The following SLC22A25 variants were observed in gnomAD, a reference collection of about 807,000 sequenced individuals.
SLC22A25 encodes the protein solute carrier family 22 member 25.
In SLC22A25, 44 loss-of-function variants were observed where a neutral mutation model predicts 45.9. The observed-to-expected ratio is 0.96, with a 90% CI of 0.75 to 1.23. The LOEUF (loss-of-function observed/expected upper bound fraction) is 1.23. Among genes scored for constraint, SLC22A25 ranks in the 50% most tolerant of loss-of-function variants. The pLI, the probability that SLC22A25 is intolerant of heterozygous loss-of-function variation, is 0.00. For missense variants in SLC22A25, 800 were observed against 666.4 expected, an observed-to-expected ratio of 1.20 and a Z score of -2.21; for synonymous variants, 283 against 238.6, an observed-to-expected ratio of 1.19 and a Z score of -1.72.
intron 3 of SLC22A25, among the ~76,000 whole-genome samples, chr11:63,232,781 A>G (rs2090093847): frequency 6.6e-6 from 1 of 152,218 alleles, no homozygotes; most frequent in African/African-American, 2.4e-5. Flanking sequence ...TGTCATAAAT[A>G]GCTCTTATTA....
At chr11:63,180,340 G>C (rs192600824) in intron 9 of SLC22A25, among the ~76,000 whole-genome samples, 7 of 152,056 alleles carry the variant, frequency 4.6e-5, no homozygotes, top group Admixed American at 4.6e-4. Flanking sequence ...CATATGATTT[G>C]CTGTTTATAA....
intron 7 of SLC22A25, among the ~76,000 whole-genome samples, chr11:63,191,958 C>T (rs1590831677): frequency 7.1e-6 from 1 of 141,770 alleles, no homozygotes. Context: ...CATTCAAATT[C>T]AGGAAATGCA....
chr11:63,201,094 T>C (rs1369348239), intron 7 of SLC22A25, among the ~76,000 whole-genome samples: 1 of 152,146 alleles, frequency 6.6e-6, no homozygotes, highest in African/African-American at 2.4e-5. Flanking sequence ...AATTTATAGA[T>C]TCAATGCTAT....
At chr11:63,193,188 TAACTG>T (rs1044624915) in intron 7 of SLC22A25, among the ~76,000 whole-genome samples, 13 of 152,160 alleles carry the variant, frequency 8.5e-5, no homozygotes, top group Non-Finnish European at 1.6e-4. Flanking sequence ...TGTTCCAAGA[TAACTG>T]AATAGGAACA....
chr11:63,182,503 AT>A (rs2088367185), intron 8 of SLC22A25, among the ~76,000 whole-genome samples: 1 of 151,414 alleles, frequency 6.6e-6, no homozygotes, highest in African/African-American at 2.4e-5. Flanking sequence ...CTCTCTATAT[AT>A]TCTTTATATA....
At chr11:63,234,204 G>A (rs955901341) in intron 3 of SLC22A25, among the ~76,000 whole-genome samples, 6 of 152,136 alleles carry the variant, frequency 3.9e-5, no homozygotes, top group African/African-American at 1.4e-4. Context: ...TTAACTTTCT[G>A]TCTCATTGAT....
At chr11:63,232,582 G>T (rs2090089777) in intron 3 of SLC22A25, among the ~76,000 whole-genome samples, 1 of 152,150 alleles carries the variant, frequency 6.6e-6, no homozygotes, top group African/African-American at 2.4e-5. Context: ...TCTGCAAAGA[G>T]GGACAATTTG....
chr11:63,171,001 G>T (rs1489186716), intron 9 of SLC22A25, among the ~76,000 whole-genome samples: 1 of 152,098 alleles, frequency 6.6e-6, no homozygotes, highest in Non-Finnish European at 1.5e-5. Context: ...ATGCAAGGCT[G>T]GTCCAACATA....
At chr11:63,194,889 GCAAAAAAAAAAAAAAAAAAAAAAAAA>G (rs1191536948) in intron 7 of SLC22A25, among the ~76,000 whole-genome samples, 6 of 14,288 alleles carry the variant, frequency 4.2e-4, no homozygotes, top group Non-Finnish European at 8.5e-4. Context: ...CAAATGGAAA[GCAAAAAAAAAAAAAAAAAAAAAAAAA>G]AAAAAAAAAA....
chr11:63,177,252 T>G (rs116809971), intron 9 of SLC22A25, among the ~76,000 whole-genome samples: 1 of 152,054 alleles, frequency 6.6e-6, no homozygotes, highest in Admixed American at 6.6e-5. Flanking sequence ...TAATTATACA[T>G]ATTTATGAGG....
chr11:63,211,071 C>A (rs1481233477), intron 7 of SLC22A25, among the ~76,000 whole-genome samples: 1 of 152,110 alleles, frequency 6.6e-6, no homozygotes. Flanking sequence ...CAGACCTACA[C>A]AATATGTGGG....
chr11:63,170,962 A>G (rs2087859056), intron 9 of SLC22A25, among the ~76,000 whole-genome samples: 1 of 152,170 alleles, frequency 6.6e-6, no homozygotes, highest in Admixed American at 6.5e-5. Flanking sequence ...AAGCTTATCC[A>G]CCACGATTAA....
intron 7 of SLC22A25, among the ~76,000 whole-genome samples, chr11:63,200,975 G>A (rs1242959235): frequency 6.6e-6 from 1 of 152,030 alleles, no homozygotes; most frequent in Non-Finnish European, 1.5e-5. Context: ...TCTACAAGGA[G>A]AACTACAAAC....
rs7129756 is a variant in SLC22A25 at position 63,188,166 on chromosome 11, A to G, written c.831-4349T>C. ...TCTGGTAGAATTCGGCTGTGAATCC[A>G]TCTGGTCCTGGACTTTTTTTGGTTG... is the stretch of plus-strand genomic sequence containing the variant. On this transcript the variant is annotated intron_variant, in intron 7 of 11. Coordinates refer to ENST00000306494, the MANE Select transcript of SLC22A25 (RefSeq NM_199352.6). 7.2e-3 allele frequency among the ~76,000 whole-genome samples: 1,097 copies of G among 152,256 alleles called. 9 individuals are homozygous for G. The highest frequency in any genetic ancestry group is 0.024 in the African/African-American group (1,008 of 41,546).
Position 63,195,120 on chromosome 11 carries a change from T to C in SLC22A25, c.831-11303A>G, listed in dbSNP as rs555865976. On this transcript the variant is annotated intron_variant, in intron 7 of 11. Coordinates refer to ENST00000306494, the MANE Select transcript of SLC22A25 (RefSeq NM_199352.6). Reference sequence around the variant, plus strand: ...TTCATAAAGCTAGTCCTTAGAGACCTACAAAGACACTTAGACTCCCACACA... The same window carrying C: ...TTCATAAAGCTAGTCCTTAGAGACCCACAAAGACACTTAGACTCCCACACA... Among the ~76,000 whole-genome samples the C allele has an allele frequency of 7.9e-5, 12 of 152,086 alleles. No individual in the cohort carries two copies. The East Asian group carries it at 2.3e-3, about 29-fold the overall frequency.
intron 9 of SLC22A25, among the ~76,000 whole-genome samples, chr11:63,171,947 C>A (rs1358500666): frequency 6.6e-6 from 1 of 152,104 alleles, no homozygotes; most frequent in Admixed American, 6.6e-5. Flanking sequence ...GTACTGGCAC[C>A]AAATCAGATA....
At chr11:63,189,976 C>G (rs1487466525) in intron 7 of SLC22A25, among the ~76,000 whole-genome samples, 1 of 152,190 alleles carries the variant, frequency 6.6e-6, no homozygotes, top group Non-Finnish European at 1.5e-5. Flanking sequence ...CTGCCCTTAA[C>G]ATTTTTTCCT....
At chr11:63,179,691 A>G (rs17145947) in intron 9 of SLC22A25, among the ~76,000 whole-genome samples, 2,785 of 152,104 alleles carry the variant, frequency 0.018, 74 homozygotes, top group African/African-American at 0.051. Flanking sequence ...AAAAAAACTA[A>G]TTTCTTGGGC....
chr11:63,217,632 A>C lies in SLC22A25; in HGVS notation c.610T>G (p.Phe204Val). 6.2e-7 allele frequency: 1 copy of C among 1,613,964 alleles called. No homozygotes were observed. Among genetic ancestry groups the C allele is most frequent in the Non-Finnish European group, 8.5e-7 (1 of 1,179,992 alleles). The change falls in exon 6 of 12, where the codon TTC becomes GTC. Residue 204 changes from phenylalanine to valine, a missense_variant. Phe to Val is a conservative substitution (Grantham distance 50, BLOSUM62 -1). Transcript: ENST00000306494. ...CTAAATGTAGCAGCCCCAGCCAAGA[A>C]GCGCAGGGAGCAGTATACGAGGATG... ...PTILVYCSLR[F>V]LAGAATFSII...
Sources: allele counts gnomAD v4.1 joint callset (sites outside exome capture counted in the v4.1 genomes callset), GRCh38; gene constraint gnomAD v4.1.1; transcripts MANE v1.5; gene names NCBI Gene and HGNC (gene_info 2026-07-23, HGNC 2026-07-21).